MEF2A: variants seen among roughly 807,000 people sequenced by gnomAD.
The protein encoded by MEF2A is myocyte-specific enhancer factor 2A.
Under a neutral mutation model 55.8 loss-of-function variants are expected in MEF2A, and 28 were observed. That is an observed-to-expected ratio of 0.50 (90% confidence interval 0.37 to 0.69). The LOEUF is 0.69. Ranked by LOEUF, MEF2A falls within the 30% of genes least tolerant of loss-of-function variation. MEF2A has a pLI of 0.00. For missense variants in MEF2A, 528 were observed against 626.2 expected (o/e 0.84, Z 1.67); for synonymous variants, 239 against 227.1 (o/e 1.05, Z -0.47).
chr15:99,636,775 T>C (rs2043931448), intron 3 of MEF2A, among the ~76,000 whole-genome samples: 1 of 152,166 alleles, frequency 6.6e-6, no homozygotes, highest in South Asian at 2.1e-4. Context: ...CATAAAGATA[T>C]TCTTCTATGC....
intron 3 of MEF2A, among the ~76,000 whole-genome samples, chr15:99,640,756 C>T (rs1210745878): frequency 1.3e-5 from 2 of 151,882 alleles, no homozygotes; most frequent in East Asian, 3.9e-4. Context: ...ACCATGTTGC[C>T]CAGACTGGTC....
At chr15:99,679,004 AG>A (rs1486103820) in intron 7 of MEF2A, among the ~76,000 whole-genome samples, 1 of 152,232 alleles carries the variant, frequency 6.6e-6, no homozygotes, top group Non-Finnish European at 1.5e-5. Flanking sequence ...CAGTCTCAGT[AG>A]TCATGGAAAT....
chr15:99,586,652 AT>A (rs1461657166), intron 1 of MEF2A, among the ~76,000 whole-genome samples: 2 of 152,080 alleles, frequency 1.3e-5, no homozygotes, highest in Non-Finnish European at 2.9e-5. Flanking sequence ...GAAGGTTTCA[AT>A]TTTGATGAAG....
At chr15:99,592,536 TA>T (rs1347582223) in intron 1 of MEF2A, among the ~76,000 whole-genome samples, 1 of 152,174 alleles carries the variant, frequency 6.6e-6, no homozygotes, top group Non-Finnish European at 1.5e-5. Flanking sequence ...GGATAATTTA[TA>T]AAGAAAAGAG....
chr15:99,714,193 G>A lies in MEF2A; in HGVS notation c.*1422G>A, dbSNP rs1186129474. ...TAGCAAAGTGGCAAAAAAAATTGGT[G>A]TTAAGTTCATCCTGCATAAGTATAA... On this transcript the variant is annotated 3_prime_UTR_variant, in exon 12 of 12. Transcript: ENST00000557942. The A allele has an allele frequency of 6.9e-6, 1 of 145,368 alleles. No homozygotes were observed. The highest frequency in any genetic ancestry group is 2.4e-5 in the African/African-American group (1 of 41,036). The allele number at this position is 145,368 out of a possible 1,614,324, so 9.0% of individuals were successfully genotyped here.
At chr15:99,607,019 C>T (rs1975404970) in intron 2 of MEF2A, among the ~76,000 whole-genome samples, 4 of 152,138 alleles carry the variant, frequency 2.6e-5, no homozygotes, top group Admixed American at 2.6e-4. Context: ...GGATAAATAT[C>T]ACAAGATGTT....
At chr15:99,615,192 G>A (rs866816586) in intron 2 of MEF2A, among the ~76,000 whole-genome samples, 1 of 152,144 alleles carries the variant, frequency 6.6e-6, no homozygotes, top group Non-Finnish European at 1.5e-5. Flanking sequence ...TACCTGTAGG[G>A]TATCTTAAGT....
At chr15:99,587,027 CT>C in intron 1 of MEF2A, among the ~76,000 whole-genome samples, 1 of 151,538 alleles carries the variant, frequency 6.6e-6, no homozygotes, top group Non-Finnish European at 1.5e-5. Flanking sequence ...ATTAAATAGT[CT>C]TAAAATCAGG....
At chr15:99,653,755 G>A (rs969930317) in intron 4 of MEF2A, among the ~76,000 whole-genome samples, 17 of 152,222 alleles carry the variant, frequency 1.1e-4, no homozygotes, top group African/African-American at 3.9e-4. Context: ...ACATGCTTAA[G>A]CCTTCTAGAA....
intron 4 of MEF2A, among the ~76,000 whole-genome samples, chr15:99,658,532 A>G (rs1379175079): frequency 6.6e-6 from 1 of 152,062 alleles, no homozygotes; most frequent in African/African-American, 2.4e-5. Flanking sequence ...TAATGACACA[A>G]TTTTCTAGGA....
In MEF2A at chr15:99,715,994, C is replaced by A. The variant is rs1169758834; in HGVS notation, c.*3223C>A. 6.5e-6 allele frequency: 1 copy of A among 153,416 alleles called. No homozygotes were observed. Among genetic ancestry groups the A allele is most frequent in the Non-Finnish European group, 1.5e-5 (1 of 68,870 alleles). 9.5% of individuals were successfully genotyped at this position (153,416 alleles called of 1,614,324 possible). A position where few individuals can be genotyped will look rare whatever the true frequency, so the allele number is the denominator to read the frequency against. Reference sequence around the variant, plus strand: ...AACTAGTAATGCATCAACATAATTTCTGTATTAACCATCATGCGCACAAGA... The same window carrying A: ...AACTAGTAATGCATCAACATAATTTATGTATTAACCATCATGCGCACAAGA... On this transcript the variant is annotated 3_prime_UTR_variant, in exon 12 of 12. Coordinates refer to ENST00000557942, the MANE Select transcript of MEF2A (RefSeq NM_001319206.4).
At chr15:99,640,641 T>C (rs2044724798) in intron 3 of MEF2A, among the ~76,000 whole-genome samples, 1 of 151,146 alleles carries the variant, frequency 6.6e-6, no homozygotes, top group South Asian at 2.1e-4. Flanking sequence ...ACTGCAGCCT[T>C]GACCTCCTGT....
At chr15:99,600,936 G>A (rs905153911) in intron 2 of MEF2A, among the ~76,000 whole-genome samples, 7 of 152,086 alleles carry the variant, frequency 4.6e-5, no homozygotes, top group Non-Finnish European at 8.8e-5. Context: ...TACAAAAAAA[G>A]CCTAACAGGA....
chr15:99,625,256 T>C (rs190115485), intron 2 of MEF2A, among the ~76,000 whole-genome samples: 26 of 152,302 alleles, frequency 1.7e-4, no homozygotes, highest in Admixed American at 4.6e-4. Context: ...TCATTGTTAA[T>C]GTATAGAATT....
At chr15:99,613,764 G>A (rs1336080945) in intron 2 of MEF2A, among the ~76,000 whole-genome samples, 1 of 152,192 alleles carries the variant, frequency 6.6e-6, no homozygotes, top group African/African-American at 2.4e-5. Flanking sequence ...TATTTTGACA[G>A]CCCATGGTAG....
intron 7 of MEF2A, among the ~76,000 whole-genome samples, chr15:99,676,123 T>C (rs1354400578): frequency 3.3e-5 from 5 of 151,934 alleles, no homozygotes; most frequent in Non-Finnish European, 7.4e-5. Flanking sequence ...AAAGATATTA[T>C]TAAGACAAGT....
At chr15:99,593,954 C>G (rs984925055) in intron 1 of MEF2A, among the ~76,000 whole-genome samples, 3 of 151,654 alleles carry the variant, frequency 2.0e-5, no homozygotes, top group African/African-American at 4.8e-5. Context: ...TGTACTCTTT[C>G]ACACACCACT....
chr15:99,631,824 T>C (rs917215588), intron 2 of MEF2A, among the ~76,000 whole-genome samples: 1 of 152,140 alleles, frequency 6.6e-6, no homozygotes, highest in African/African-American at 2.4e-5. Flanking sequence ...TGTGCTGATG[T>C]TAGTGCTGGA....
At chr15:99,648,287 G>A (rs1193240542) in intron 4 of MEF2A, among the ~76,000 whole-genome samples, 1 of 152,120 alleles carries the variant, frequency 6.6e-6, no homozygotes, top group Non-Finnish European at 1.5e-5. Context: ...GGGGTTCTAT[G>A]TGCTTTGCAA....
Sources: allele counts gnomAD v4.1 joint callset (sites outside exome capture counted in the v4.1 genomes callset), GRCh38; gene constraint gnomAD v4.1.1; transcripts MANE v1.5; gene names NCBI Gene and HGNC (gene_info 2026-07-23, HGNC 2026-07-21).